Variants in PI4KB observed in about 807,000 individuals in gnomAD.
The protein encoded by PI4KB is PtdIns 4-kinase beta.
A neutral mutation model predicts 81.4 loss-of-function variants in PI4KB; 23 were observed. The observed-to-expected ratio is 0.28, with a 90% confidence interval of 0.20 to 0.40. PI4KB has a LOEUF of 0.40. PI4KB is among the 10% of genes least tolerant of loss of function. The pLI is 1.00. For missense variants in PI4KB, 651 were observed against 1,036.6 expected (o/e 0.63, Z 5.11); for synonymous variants, 381 against 406.8 (o/e 0.94, Z 0.76).
intron 9 of PI4KB, among the ~76,000 whole-genome samples, chr1:151,298,063 G>A (rs1046331400): frequency 6.6e-6 from 1 of 152,180 alleles, no homozygotes; most frequent in African/African-American, 2.4e-5. Context: ...TCACCTATAT[G>A]TGTAGTTAGT....
rs12086389 is a variant in PI4KB, at chr1:151,315,121, C to T, written c.909+452G>A. ...AGCCTCCCAAGTAGCTGGGATTACA[C>T]GCGCCCACCACCACGCCTGGCTAAT... On this transcript the variant is annotated intron_variant, in intron 2 of 11. Coordinates refer to ENST00000368873, the MANE Select transcript of PI4KB (RefSeq NM_001369623.2). Among the ~76,000 whole-genome samples the T allele has an allele frequency of 7.0e-3, 1,058 of 152,020 alleles. 14 individuals carry two copies. The highest frequency in any genetic ancestry group is 0.024 in the African/African-American group (982 of 41,462).
chr1:151,320,837 A>C (rs1648746714), intron 1 of PI4KB, among the ~76,000 whole-genome samples: 1 of 152,222 alleles, frequency 6.6e-6, no homozygotes, highest in South Asian at 2.1e-4. Context: ...TGTTTGGTAC[A>C]TCCTTTCCTC....
chr1:151,318,746 A>G lies in PI4KB; in HGVS notation c.-28-2237T>C, dbSNP rs548571188. 3.9e-5 allele frequency among the ~76,000 whole-genome samples: 6 copies of G among 152,200 alleles called. No individual in the cohort carries two copies. The East Asian group carries it at 9.6e-4, about 24-fold the overall frequency. On this transcript the variant is annotated intron_variant, in intron 1 of 11. Coordinates refer to ENST00000368873, the MANE Select transcript of PI4KB (RefSeq NM_001369623.2). ...AATAAATAAATAAATAAATAAAATT[A>G]AAGTCTTGATATATTTTTCTGGTTA... is the stretch of plus-strand genomic sequence containing the variant.
chr1:151,305,960 T>C (rs1695721645), intron 5 of PI4KB, among the ~76,000 whole-genome samples, 176 bp downstream of exon 5: 1 of 152,206 alleles, frequency 6.6e-6, no homozygotes, highest in Non-Finnish European at 1.5e-5. Flanking sequence ...TCCACCTGAA[T>C]CTATTCCAGG....
chr1:151,311,214 C>T (rs949372099), intron 2 of PI4KB, among the ~76,000 whole-genome samples: 3 of 151,808 alleles, frequency 2.0e-5, no homozygotes, highest in Non-Finnish European at 2.9e-5. Flanking sequence ...CATGGTCTAC[C>T]AGGGCAGGGA....
Position 151,292,722 on chromosome 1 carries a change from G to GT in PI4KB, c.*129dup. 1 of 821,158 alleles carries GT rather than the reference G, an allele frequency of 1.2e-6. No homozygotes were observed. Among genetic ancestry groups the GT allele is most frequent in the Non-Finnish European group, 1.9e-6 (1 of 532,312 alleles). The allele number at this position is 821,158 out of a possible 1,614,324, so 50.9% of individuals were successfully genotyped here. A position where few individuals can be genotyped will look rare whatever the true frequency, so the allele number is the denominator to read the frequency against. On this transcript the variant is annotated 3_prime_UTR_variant, in exon 12 of 12. Coordinates refer to ENST00000368873, the MANE Select transcript of PI4KB (RefSeq NM_001369623.2). ...TCGCAGTTACCACATGATCCTTCGT[G>GT]TTTCTTGCCTTCCATTTCCCTTGGG...
chr1:151,307,663 C>A lies in PI4KB; in HGVS notation c.1093G>T (p.Ala365Ser). ...CCAGCAGTGGGCAGCCAGACTCGGGCAGGGAGCTTATGGTTGAGCAGGGAG... is the reference window on the plus strand; with the variant it reads ...CCAGCAGTGGGCAGCCAGACTCGGGAAGGGAGCTTATGGTTGAGCAGGGAG... ...ELSLLNHKLP[A>S]RVWLPTAGFD... is the part of the protein sequence containing the mutation. Residue 365 changes from alanine (A) to serine (S), a missense_variant, in exon 4 of 12, where the codon GCC becomes TCC. Ala to Ser is a moderately conservative substitution (Grantham distance 99). This residue lies in a region of PI4KB where 246 missense variants were observed against 430.1 expected (regional missense o/e 0.57). Transcript: ENST00000368873. 6.2e-7 allele frequency: 1 copy of A among 1,614,132 alleles called. No homozygotes were observed. The highest frequency in any genetic ancestry group is 8.5e-7 in the Non-Finnish European group (1 of 1,180,026).
chr1:151,293,333 G>C, intron 11 of PI4KB: 1 of 1,367,572 alleles, frequency 7.3e-7, no homozygotes, highest in Non-Finnish European at 9.7e-7. Context: ...GAGGCTGGAG[G>C]GAGTGGGCCC....
intron 2 of PI4KB, 28 bp from the exon 3 acceptor site, chr1:151,310,283 G>A (rs201224688): frequency 1.1e-5 from 10 of 939,452 alleles, no homozygotes; most frequent in Admixed American, 4.1e-5. Flanking sequence ...GGCAAAGGGA[G>A]AAGGAGGGGG....
intron 2 of PI4KB, among the ~76,000 whole-genome samples, chr1:151,313,561 C>G (rs1365842111): frequency 6.6e-6 from 1 of 152,212 alleles, no homozygotes; most frequent in African/African-American, 2.4e-5. Context: ...AGCTGCTCAC[C>G]CTCTGCTACA....
At chr1:151,322,201 A>C (rs1486789144) in intron 1 of PI4KB, among the ~76,000 whole-genome samples, 2 of 152,134 alleles carry the variant, frequency 1.3e-5, no homozygotes, top group Non-Finnish European at 2.9e-5. Context: ...TTGACAACTG[A>C]CTGAGTTCCA....
At chr1:151,302,421 T>G in intron 6 of PI4KB, 123 bp from the exon 7 acceptor site, 1 of 673,480 alleles carries the variant, frequency 1.5e-6, no homozygotes, top group Non-Finnish European at 2.7e-6. Context: ...GAACCCAGGC[T>G]GAAAGGGACT....
At chr1:151,301,606 C>T (rs1233556207) in intron 8 of PI4KB, among the ~76,000 whole-genome samples, 7 of 152,106 alleles carry the variant, frequency 4.6e-5, no homozygotes, top group African/African-American at 1.7e-4. Flanking sequence ...ACCGTGTTAG[C>T]CAGGATGGTC....
upstream of PI4KB, chr1:151,327,591 C>T (rs1649848931): frequency 5.1e-6 from 2 of 389,020 alleles, no homozygotes; most frequent in Non-Finnish European, 9.1e-6. Context: ...CAAGCCAAGC[C>T]TTTCTTCCCA....
At chr1:151,295,114 GGAT>G (rs113758311) in intron 9 of PI4KB, among the ~76,000 whole-genome samples, 8,174 of 152,294 alleles carry the variant, frequency 0.054, 644 homozygotes, top group African/African-American at 0.17. Flanking sequence ...AAAAGTCTCA[GGAT>G]GAGGCAGTAC....
intron 8 of PI4KB, among the ~76,000 whole-genome samples, 189 bp from the exon 9 acceptor site, chr1:151,299,262 A>AG (rs149406435): frequency 0.016 from 2,450 of 152,244 alleles, 46 homozygotes; most frequent in African/African-American, 0.042. Context: ...TGACAAAGTC[A>AG]GAAACTACAC....
chr1:151,321,872 T>TAAA (rs35519740), intron 1 of PI4KB, among the ~76,000 whole-genome samples: 454 of 73,784 alleles, frequency 6.2e-3, no homozygotes, highest in Non-Finnish European at 0.01. Context: ...GACTCTGTCT[T>TAAA]AAAAAAAAAA....
At chr1:151,315,542 C>CT in intron 2 of PI4KB, 31 bp downstream of exon 2, 1 of 1,526,900 alleles carries the variant, frequency 6.5e-7, no homozygotes, top group Non-Finnish European at 9.1e-7. Flanking sequence ...CCTCTACCAC[C>CT]TTTTGTCTCT....
chr1:151,304,641 G>A (rs587660490), intron 5 of PI4KB, among the ~76,000 whole-genome samples: 1 of 151,178 alleles, frequency 6.6e-6, no homozygotes, highest in Non-Finnish European at 1.5e-5. Flanking sequence ...CACCGCGCCT[G>A]GCCCTGGCTG....
Sources: gnomAD v4.1 joint callset for allele counts (sites outside exome capture counted in the v4.1 genomes callset) on GRCh38, gnomAD v4.1.1 for gene constraint, gnomAD v4.1.1 regional missense constraint, MANE v1.5 for transcripts, NCBI Gene and HGNC (gene_info 2026-07-23, HGNC 2026-07-21) for gene names.